The following MILR1 variants were observed in gnomAD, a reference collection of about 807,000 sequenced individuals.
The protein encoded by MILR1 is mast cell immunoglobulin like receptor 1, also known as allergin-1.
In MILR1, 31 loss-of-function variants were observed where a neutral mutation model predicts 18.5. That is an observed-to-expected ratio of 1.68 (90% CI 1.26 to 2.26). The LOEUF (loss-of-function observed/expected upper bound fraction) is 2.26, where lower values mean the gene tolerates loss of function less well. Ranked by LOEUF, MILR1 falls within the 30% of genes most tolerant of loss-of-function variation. The pLI is 0.00. For missense variants in MILR1, 257 were observed against 157.4 expected (o/e 1.63, Z -3.38); for synonymous variants, 85 against 56.2 (o/e 1.51, Z -2.30).
the MILR1 span, among the ~76,000 whole-genome samples, chr17:64,480,126 G>T: frequency 6.6e-6 from 1 of 152,186 alleles, no homozygotes; most frequent in Non-Finnish European, 1.5e-5. Context: ...GTTCCCTGCT[G>T]AGGCAATTAA....
At chr17:64,464,868 G>C (rs920105416) in intron 5 of MILR1, among the ~76,000 whole-genome samples, 2 of 152,214 alleles carry the variant, frequency 1.3e-5, no homozygotes, top group Admixed American at 6.5e-5. Context: ...AGGTTGCGGT[G>C]AGCGGAGATT....
the MILR1 span, chr17:64,491,096 T>A: frequency 5.4e-6 from 4 of 738,100 alleles, no homozygotes; most frequent in Non-Finnish European, 9.2e-6. Flanking sequence ...ACTAGTCAAG[T>A]CCCGAATACA....
chr17:64,452,923 C>T (rs923648643), intron 3 of MILR1, 57 bp downstream of exon 3: 160 of 461,630 alleles, frequency 3.5e-4, no homozygotes, highest in African/African-American at 2.4e-3. Context: ...CTTTCTGGTT[C>T]TATGAGGGGC....
chr17:64,485,732 C>CA, the MILR1 span: 1 of 1,612,292 alleles, frequency 6.2e-7, no homozygotes, highest in Non-Finnish European at 8.5e-7. Context: ...CAGCACCTTT[C>CA]TATGAAGATT....
chr17:64,495,601 T>A, the MILR1 span, among the ~76,000 whole-genome samples: 2 of 152,218 alleles, frequency 1.3e-5, no homozygotes, highest in Non-Finnish European at 1.5e-5. Context: ...AATTCATATT[T>A]AATTTACCAA....
chr17:64,476,955 G>C, the MILR1 span, among the ~76,000 whole-genome samples: 2 of 151,930 alleles, frequency 1.3e-5, no homozygotes, highest in Non-Finnish European at 2.9e-5. Flanking sequence ...GGTAACAATG[G>C]GATATTTTAC....
At chr17:64,450,676 G>T (rs1220217044) in intron 2 of MILR1, among the ~76,000 whole-genome samples, 5 of 152,026 alleles carry the variant, frequency 3.3e-5, no homozygotes, top group South Asian at 2.1e-4. Flanking sequence ...TAGAGACGGG[G>T]TGTCATCATG....
downstream of MILR1, among the ~76,000 whole-genome samples, chr17:64,470,156 C>T (rs1282913510): frequency 2.6e-5 from 4 of 152,144 alleles, no homozygotes; most frequent in South Asian, 2.1e-4. Flanking sequence ...TGCAGGGGCA[C>T]GATTTCGGCT....
chr17:64,478,576 A>G, the MILR1 span, among the ~76,000 whole-genome samples: 2 of 152,072 alleles, frequency 1.3e-5, no homozygotes, highest in East Asian at 3.8e-4. Flanking sequence ...TTTATTGTCT[A>G]TTTTGTCCTA....
intron 4 of MILR1, among the ~76,000 whole-genome samples, chr17:64,459,011 C>T (rs952443444): frequency 1.3e-5 from 2 of 152,160 alleles, no homozygotes; most frequent in Non-Finnish European, 2.9e-5. Context: ...CGGGGCAGCC[C>T]GGGACTTCAG....
At chr17:64,496,581 C>T in the MILR1 span, 3 of 1,613,612 alleles carry the variant, frequency 1.9e-6, no homozygotes, top group East Asian at 2.2e-5. Context: ...TGGTGGAGGG[C>T]GTCCACCGGG....
the MILR1 span, chr17:64,496,665 A>G: frequency 6.2e-7 from 1 of 1,613,924 alleles, no homozygotes; most frequent in East Asian, 2.2e-5. Flanking sequence ...TCTACGCCCA[A>G]GGGTCCGAAG....
At chr17:64,474,367 GC>G in the MILR1 span, among the ~76,000 whole-genome samples, 1 of 151,574 alleles carries the variant, frequency 6.6e-6, no homozygotes, top group Non-Finnish European at 1.5e-5. Flanking sequence ...GAGCCACCGT[GC>G]CCGGCCTTAT....
chr17:64,460,456 G>C (rs1292244096), intron 4 of MILR1, among the ~76,000 whole-genome samples: 7 of 152,154 alleles, frequency 4.6e-5, no homozygotes, highest in African/African-American at 1.7e-4. Flanking sequence ...CCCTGCCTCA[G>C]CCTCCTGAGT....
the MILR1 span, among the ~76,000 whole-genome samples, chr17:64,497,272 A>G: frequency 0.014 from 2,151 of 152,362 alleles, 28 homozygotes; most frequent in Non-Finnish European, 0.022. Context: ...CCACCTATTT[A>G]TAACCGTGGT....
chr17:64,484,882 A>T, the MILR1 span, among the ~76,000 whole-genome samples: 1 of 152,132 alleles, frequency 6.6e-6, no homozygotes, highest in Non-Finnish European at 1.5e-5. Flanking sequence ...TTATTTGTTA[A>T]AACTTTTGAT....
the MILR1 span, among the ~76,000 whole-genome samples, chr17:64,491,346 G>A: frequency 5.3e-5 from 8 of 152,190 alleles, no homozygotes; most frequent in African/African-American, 1.7e-4. Flanking sequence ...TGTTATGCCA[G>A]CTCTTTGGGA....
intron 4 of MILR1, among the ~76,000 whole-genome samples, chr17:64,458,927 T>A (rs1335626242): frequency 6.6e-6 from 1 of 152,112 alleles, no homozygotes; most frequent in Non-Finnish European, 1.5e-5. Flanking sequence ...GTGGATGGTG[T>A]TTGCACATGT....
rs1269535246 is a variant in MILR1, at chr17:64,450,844, C to G, written c.97+1489C>G. ...ACTCAGCCATGATTCGTTTAACCAT[C>G]CTTATTTATTGCCCTGCTTTTTGGG... is the stretch of plus-strand genomic sequence containing the variant. On this transcript the variant is annotated intron_variant, in intron 2 of 9. Transcript: ENST00000619286. Among the ~76,000 whole-genome samples the G allele has an allele frequency of 2.2e-4, 34 of 152,172 alleles. 1 individual carries two copies. Among genetic ancestry groups the G allele is most frequent in the South Asian group, 2.1e-4 (1 of 4,830 alleles).
Sources: allele counts gnomAD v4.1 joint callset (sites outside exome capture counted in the v4.1 genomes callset), GRCh38; gene constraint gnomAD v4.1.1; transcripts MANE v1.5; gene names NCBI Gene and HGNC (gene_info 2026-07-23, HGNC 2026-07-21).